Variants in WIPI2 observed in about 807,000 individuals in gnomAD.
WIPI2 encodes the protein WD repeat domain phosphoinositide-interacting protein 2.
In WIPI2, 28 loss-of-function variants were observed where a neutral mutation model predicts 52.3. The ratio of observed to expected loss-of-function variants is 0.54; its 90% CI spans 0.40 to 0.73. The LOEUF is 0.73. Ranked by LOEUF, WIPI2 falls within the 30% of genes least tolerant of loss-of-function variation. The pLI is 0.00. For synonymous variants in WIPI2, 268 were observed against 245.0 expected (o/e 1.09, Z -0.88); for missense variants, 506 against 602.9 (o/e 0.84, Z 1.68).
chr7:5,190,520 C>T, intron 1 of WIPI2, 27 bp downstream of exon 1: 1 of 1,476,896 alleles, frequency 6.8e-7, no homozygotes, highest in Non-Finnish European at 9.0e-7. Flanking sequence ...GGGTCGGAGT[C>T]GGGGTGAGGC....
rs926511526 is a variant in WIPI2 at position 5,232,297 on chromosome 7, C to T, written c.*1350C>T. 3.5e-5 allele frequency: 14 copies of T among 398,498 alleles called. No homozygotes were observed. Among genetic ancestry groups the T allele is most frequent in the African/African-American group, 1.6e-4 (8 of 48,626 alleles). The allele number at this position is 398,498 out of a possible 1,614,324, so 24.7% of individuals were successfully genotyped here. On this transcript the variant is annotated 3_prime_UTR_variant, in exon 13 of 13. Transcript: ENST00000288828. Reference sequence around the variant, plus strand: ...AGATGGTTGTCATGGTCACGCTGGGCGAAGAGCTGGAGGGGAGTTGTCCCC... The same window carrying T: ...AGATGGTTGTCATGGTCACGCTGGGTGAAGAGCTGGAGGGGAGTTGTCCCC...
chr7:5,210,152 G>T (rs535149948), intron 3 of WIPI2, among the ~76,000 whole-genome samples: 63 of 152,144 alleles, frequency 4.1e-4, no homozygotes, highest in Non-Finnish European at 6.9e-4. Flanking sequence ...CAGGTGATCT[G>T]CCTGCCTCAG....
At chr7:5,219,406 T>C (rs1418517675) in intron 7 of WIPI2, among the ~76,000 whole-genome samples, 2 of 152,088 alleles carry the variant, frequency 1.3e-5, no homozygotes, top group Non-Finnish European at 1.5e-5. Context: ...GTAGCTCTTA[T>C]AAAGGCCCAA....
chr7:5,202,032 T>C (rs1315962029), intron 3 of WIPI2, among the ~76,000 whole-genome samples: 1 of 152,200 alleles, frequency 6.6e-6, no homozygotes, highest in African/African-American at 2.4e-5. Context: ...CTAGCATTTT[T>C]CTATAGGTGG....
At chr7:5,209,183 A>G (rs550123749) in intron 3 of WIPI2, among the ~76,000 whole-genome samples, 7 of 152,264 alleles carry the variant, frequency 4.6e-5, no homozygotes, top group Admixed American at 3.3e-4. Flanking sequence ...CTTGTATCCT[A>G]TGACTTTGCT....
intron 3 of WIPI2, among the ~76,000 whole-genome samples, chr7:5,207,915 A>G (rs991805337): frequency 2.6e-5 from 4 of 151,678 alleles, no homozygotes; most frequent in East Asian, 3.9e-4. Flanking sequence ...ACAGGTGTGC[A>G]CCACCACACC....
intron 4 of WIPI2, 30 bp downstream of exon 4, chr7:5,214,734 T>C (rs1461561903): frequency 6.2e-7 from 1 of 1,610,694 alleles, no homozygotes; most frequent in East Asian, 2.2e-5. Flanking sequence ...GGTGTGGGCT[T>C]GTCTGTTGCT....
rs1325823642 is a variant in WIPI2 at position 5,229,452 on chromosome 7, G to A, written c.1122-156G>A. 5 of 772,106 alleles carry A rather than the reference G, an allele frequency of 6.5e-6. No homozygotes were observed. The Admixed American group carries it at 1.5e-4, about 23-fold the overall frequency. 47.8% of individuals were successfully genotyped at this position (772,106 alleles called of 1,614,324 possible). ...AACTCTTCATGTAAAAACGTGTGCA[G>A]ATAGACGAGATTAAAGTTGCCACGG... On this transcript the variant is annotated intron_variant, in intron 11 of 12. Transcript: ENST00000288828.
Position 5,232,025 on chromosome 7 carries a change from GCTTCC to G in WIPI2, c.*1087_*1091del, listed in dbSNP as rs10596549. The G allele has an allele frequency of 0.64, 253,513 of 396,382 alleles. 81,808 individuals carry two copies. Among genetic ancestry groups the G allele is most frequent in the African/African-American group, 0.76 (36,652 of 48,388 alleles). 24.6% of individuals were successfully genotyped at this position (396,382 alleles called of 1,614,324 possible). A position where few individuals can be genotyped will look rare whatever the true frequency, so the allele number is the denominator to read the frequency against. ...GGTTGCAAGCTTCAGTATTTGCCTC[GCTTCC>G]CTTCCCTTTTCATATTTACAGAATT... On this transcript the variant is annotated 3_prime_UTR_variant, in exon 13 of 13. Transcript: ENST00000288828.
At chr7:5,216,916 C>T in intron 5 of WIPI2, 174 bp from the exon 6 acceptor site, 4 of 734,268 alleles carry the variant, frequency 5.4e-6, no homozygotes, top group Non-Finnish European at 8.9e-6. Context: ...ATACTGGTAT[C>T]ACCTAAGGTG....
intron 7 of WIPI2, among the ~76,000 whole-genome samples, chr7:5,221,312 T>C (rs2115296997): frequency 6.6e-6 from 1 of 152,300 alleles, no homozygotes; most frequent in Non-Finnish European, 1.5e-5. Context: ...TTTCACCATG[T>C]TGCCCAGGGT....
chr7:5,208,207 A>G (rs946788387), intron 3 of WIPI2, among the ~76,000 whole-genome samples: 5 of 152,154 alleles, frequency 3.3e-5, no homozygotes, highest in African/African-American at 7.2e-5. Context: ...GGCCGTTTAT[A>G]TATCTTCCTC....
At chr7:5,200,379 A>G (rs1297119953) in intron 3 of WIPI2, among the ~76,000 whole-genome samples, 1 of 152,186 alleles carries the variant, frequency 6.6e-6, no homozygotes, top group Non-Finnish European at 1.5e-5. Flanking sequence ...ATTCACATGT[A>G]GTTGCAGGAA....
Position 5,193,102 on chromosome 7 carries a change from T to G in WIPI2, c.75-16T>G. On this transcript the variant is annotated splice_polypyrimidine_tract_variant and intron_variant, in intron 1 of 12. Transcript: ENST00000288828. ...TTTACCATTTGTTTTTTGTTTTGTT[T>G]TGTTTTTTTACCTAGAGAAGTGAAA... is the stretch of plus-strand genomic sequence containing the variant. The G allele has an allele frequency of 6.2e-7, 1 of 1,612,840 alleles. No homozygotes were observed. The highest frequency in any genetic ancestry group is 1.1e-5 in the South Asian group (1 of 90,816).
At position 5,208,158 on chromosome 7, in the gene WIPI2, C is replaced by T. The variant is rs956655076; in HGVS notation, c.212-6377C>T. The stretch of plus-strand genomic sequence containing the variant: ...CTTCATGGTTTTAATTTGAATTTCT[C>T]AGGTAACTAATGATGTTGAACATTT... On this transcript the variant is annotated intron_variant, in intron 3 of 12. Coordinates refer to ENST00000288828, the MANE Select transcript of WIPI2 (RefSeq NM_015610.4). Among the ~76,000 whole-genome samples the T allele has an allele frequency of 2.0e-5, 3 of 152,198 alleles. No homozygotes were observed. The South Asian group carries it at 6.2e-4, about 31-fold the overall frequency.
rs1377749258 is a variant in WIPI2, at chr7:5,232,372, A to C, written c.*1425A>C. On this transcript the variant is annotated 3_prime_UTR_variant, in exon 13 of 13. Coordinates refer to ENST00000288828, the MANE Select transcript of WIPI2 (RefSeq NM_015610.4). ...GCCCCAGTGTTCCTGGGTTGGCTTT[A>C]CGGCAAACTAAATGCAGGGGACGCT... is the stretch of plus-strand genomic sequence containing the variant. The C allele has an allele frequency of 2.5e-6, 1 of 398,436 alleles. No homozygotes were observed. Among genetic ancestry groups the C allele is most frequent in the Non-Finnish European group, 4.4e-6 (1 of 226,062 alleles). 24.7% of individuals were successfully genotyped at this position (398,436 alleles called of 1,614,324 possible). A position where few individuals can be genotyped will look rare whatever the true frequency, so the allele number is the denominator to read the frequency against.
rs1382148117 is a variant in WIPI2 at position 5,231,379 on chromosome 7, GC to G, written c.*434del. The G allele has an allele frequency of 3.2e-5, 5 of 155,374 alleles. No homozygotes were observed. The highest frequency in any genetic ancestry group is 5.7e-5 in the Non-Finnish European group (4 of 70,044). 9.6% of individuals were successfully genotyped at this position (155,374 alleles called of 1,614,324 possible). A position where few individuals can be genotyped will look rare whatever the true frequency, so the allele number is the denominator to read the frequency against. The stretch of plus-strand genomic sequence containing the variant: ...GCGCACAGTGGGTCTGCTTGTCAAG[GC>G]CAGTTCTGCAGTGACAGGCCCAGGG... On this transcript the variant is annotated 3_prime_UTR_variant, in exon 13 of 13. Coordinates refer to ENST00000288828, the MANE Select transcript of WIPI2 (RefSeq NM_015610.4).
intron 1 of WIPI2, among the ~76,000 whole-genome samples, chr7:5,191,181 A>C (rs1317119162): frequency 7.9e-5 from 12 of 151,966 alleles, no homozygotes. Context: ...CACTGTGCCC[A>C]GCTAACTTTT....
chr7:5,227,344 C>G lies in WIPI2; in HGVS notation c.1013C>G (p.Thr338Arg). The G allele has an allele frequency of 1.2e-6, 2 of 1,612,770 alleles. No homozygotes were observed. Among genetic ancestry groups the G allele is most frequent in the Non-Finnish European group, 1.7e-6 (2 of 1,179,970 alleles). ...CACAAAAACATCTGCTCGCTAGCCACGTGAGTAGAGCCGGCGCCTCCGTCC... is the reference window on the plus strand; with the variant it reads ...CACAAAAACATCTGCTCGCTAGCCAGGTGAGTAGAGCCGGCGCCTCCGTCC... ...CGHKNICSLA[T>R]IQKIPRLLVG... The change falls in exon 10 of 13, where the codon ACA becomes AGA. Residue 338 changes from threonine to arginine, a missense_variant and splice_region_variant. By Grantham distance (71) the Thr-to-Arg change is moderately conservative. Around this residue, in one of 4 missense-constraint regions of WIPI2, gnomAD observed 194 missense variants for 175.1 expected, o/e 1.11. Transcript: ENST00000288828. This position sits in a 1 kb window ranked among gnomAD's most constrained non-coding sequence, Gnocchi z 8.1.
Sources: allele counts gnomAD v4.1 joint callset (sites outside exome capture counted in the v4.1 genomes callset), GRCh38; gene constraint gnomAD v4.1.1; regional missense constraint gnomAD v4.1.1; non-coding constraint Gnocchi (gnomAD v3.1); transcripts MANE v1.5; gene names NCBI Gene and HGNC (gene_info 2026-07-23, HGNC 2026-07-21).